The following PHACTR2 variants were observed in gnomAD, a reference collection of about 807,000 sequenced individuals.
PHACTR2 encodes the protein chromosome 6 open reading frame 56.
PHACTR2 carries 30 observed loss-of-function variants against 76.0 expected under a neutral mutation model. The observed-to-expected ratio is 0.39, with a 90% CI of 0.30 to 0.54. PHACTR2 has a LOEUF of 0.54. PHACTR2 is among the 20% of genes least tolerant of loss of function. The probability of loss-of-function intolerance (pLI) is 0.61; values close to 1 mark genes in which losing one functional copy is unlikely to be tolerated. For missense variants in PHACTR2, 696 were observed against 781.1 expected, an observed-to-expected ratio of 0.89 and a Z score of 1.30; for synonymous variants, 292 against 292.5, an observed-to-expected ratio of 1.00 and a Z score of 0.02.
chr6:143,798,358 A>G (rs1401819368), intron 11 of PHACTR2, among the ~76,000 whole-genome samples: 1 of 152,158 alleles, frequency 6.6e-6, no homozygotes, highest in African/African-American at 2.4e-5. Flanking sequence ...AGATAATTGG[A>G]CTTCCTCTCT....
chr6:143,773,274 A>G (rs927692896), intron 7 of PHACTR2, among the ~76,000 whole-genome samples: 2 of 152,176 alleles, frequency 1.3e-5, no homozygotes, highest in Admixed American at 6.5e-5. Flanking sequence ...TCATACTTCC[A>G]CAATAAGTAA....
chr6:143,763,625 C>T (rs1055818244), intron 5 of PHACTR2, among the ~76,000 whole-genome samples: 2 of 152,150 alleles, frequency 1.3e-5, no homozygotes, highest in African/African-American at 2.4e-5. Context: ...ATATCTTAAA[C>T]GATAAAGACC....
intron 1 of PHACTR2, among the ~76,000 whole-genome samples, chr6:143,620,661 G>C (rs547611192): frequency 1.3e-5 from 2 of 151,952 alleles, no homozygotes; most frequent in Non-Finnish European, 1.5e-5. Flanking sequence ...AAAAAATGTT[G>C]CCCTGACATA....
Position 143,700,013 on chromosome 6 carries a change from G to A in PHACTR2, c.47-12003G>A, listed in dbSNP as rs1777868487. On this transcript the variant is annotated intron_variant, in intron 1 of 12. Transcript: ENST00000440869. The surrounding 1 kb of genome is among the most constrained non-coding windows in gnomAD (Gnocchi z 4.1). ...GAGATTGTCCGGGATACTACATGTG[G>A]CCACGGTCTCTCCACAGATACCGGC... 6.6e-6 allele frequency among the ~76,000 whole-genome samples: 1 copy of A among 152,092 alleles called. No individual in the cohort carries two copies. Among genetic ancestry groups the A allele is most frequent in the Non-Finnish European group, 1.5e-5 (1 of 68,016 alleles).
chr6:143,726,328 C>T (rs117884747), intron 2 of PHACTR2, among the ~76,000 whole-genome samples: 4,028 of 152,268 alleles, frequency 0.026, 101 homozygotes, highest in Admixed American at 0.095. Context: ...CATTTTTAAA[C>T]GTGCAGCTCA....
rs773617659 is a variant in PHACTR2 at position 143,816,212 on chromosome 6, C to T, written c.1923-7462C>T. ...ACCAACTTGAAGCCTAAAGCCAAAA[C>T]TGTCATGCTGTCACATAGACAAACT... On this transcript the variant is annotated intron_variant, in intron 12 of 12. Coordinates refer to ENST00000440869, the MANE Select transcript of PHACTR2 (RefSeq NM_001100164.2). This position sits in a 1 kb window ranked among gnomAD's most constrained non-coding sequence, Gnocchi z 4.5. 6.6e-6 allele frequency among the ~76,000 whole-genome samples: 1 copy of T among 152,182 alleles called. No homozygotes were observed. The highest frequency in any genetic ancestry group is 1.5e-5 in the Non-Finnish European group (1 of 68,038).
At chr6:143,686,614 G>A (rs1479600977) in intron 1 of PHACTR2, among the ~76,000 whole-genome samples, 4 of 149,696 alleles carry the variant, frequency 2.7e-5, no homozygotes. Context: ...CAGCCTCCCA[G>A]GTAGCTGGAA....
Position 143,826,916 on chromosome 6 carries a change from G to A in PHACTR2, c.*3227G>A, listed in dbSNP as rs1334049515. The A allele has an allele frequency of 6.6e-6, 1 of 151,664 alleles. No homozygotes were observed. Among genetic ancestry groups the A allele is most frequent in the African/African-American group, 2.4e-5 (1 of 41,294 alleles). 9.4% of individuals were successfully genotyped at this position (151,664 alleles called of 1,614,324 possible). On this transcript the variant is annotated 3_prime_UTR_variant, in exon 13 of 13. Coordinates refer to ENST00000440869, the MANE Select transcript of PHACTR2 (RefSeq NM_001100164.2). ...GACTTTCTGGTTTCATCTTCATATTGTTTAGTAGCATAATGAGAGTAGTCC... is the reference window on the plus strand; with the variant it reads ...GACTTTCTGGTTTCATCTTCATATTATTTAGTAGCATAATGAGAGTAGTCC...
intron 1 of PHACTR2, among the ~76,000 whole-genome samples, chr6:143,643,355 T>C (rs910792815): frequency 4.6e-5 from 7 of 152,174 alleles, no homozygotes; most frequent in Admixed American, 2.6e-4. Context: ...AATCCACAGA[T>C]GGGGTCATAC....
At chr6:143,574,126 C>A (rs1775480285) in intron 1 of PHACTR2, among the ~76,000 whole-genome samples, 1 of 152,210 alleles carries the variant, frequency 6.6e-6, no homozygotes, top group Non-Finnish European at 1.5e-5. Flanking sequence ...AGGCAGGATT[C>A]AGTTCGTGCA....
At chr6:143,634,054 G>A (rs1776409544) in intron 1 of PHACTR2, among the ~76,000 whole-genome samples, 1 of 152,078 alleles carries the variant, frequency 6.6e-6, no homozygotes, top group Non-Finnish European at 1.5e-5. Context: ...ACTGTACTAC[G>A]GCAGGTCTTC....
intron 1 of PHACTR2, among the ~76,000 whole-genome samples, chr6:143,687,223 G>T (rs1456071636): frequency 6.6e-6 from 1 of 152,020 alleles, no homozygotes; most frequent in East Asian, 1.9e-4. Flanking sequence ...GTCTGAAATA[G>T]AAAATAATAA....
rs1295796001 is a variant in PHACTR2 at position 143,809,150 on chromosome 6, A to G, written c.1922+2017A>G. Among the ~76,000 whole-genome samples, 3 of 152,210 alleles carry G rather than the reference A, an allele frequency of 2.0e-5. No individual in the cohort carries two copies. The East Asian group carries it at 5.8e-4, about 29-fold the overall frequency. On this transcript the variant is annotated intron_variant, in intron 12 of 12. Transcript: ENST00000440869. This position sits in a 1 kb window ranked among gnomAD's most constrained non-coding sequence, Gnocchi z 4.2. ...TGGAGTATCTGATAGCCTTATCTTC[A>G]TTTGATAGCATGATATAAAGAACAA...
intron 12 of PHACTR2, among the ~76,000 whole-genome samples, chr6:143,810,961 ATTG>A (rs1776162442): frequency 6.6e-6 from 1 of 151,890 alleles, no homozygotes; most frequent in African/African-American, 2.4e-5. Context: ...TTTCCAATTT[ATTG>A]TTAACTTTTA....
At position 143,623,438 on chromosome 6, in the gene PHACTR2, G is replaced by A. The variant is rs1776196463; in HGVS notation, c.13+15116G>A. ...AAATATACAAAAATTAGCCGGGCAT[G>A]GTGGTGCATGCCTGTAGTCCCAGCT... On this transcript the variant is annotated intron_variant, in intron 1 of 11. Coordinates refer to the PHACTR2 transcript ENST00000305766. This position sits in a 1 kb window ranked among gnomAD's most constrained non-coding sequence, Gnocchi z 5.9. Among the ~76,000 whole-genome samples the A allele has an allele frequency of 6.6e-6, 1 of 152,158 alleles. No individual in the cohort carries two copies. The highest frequency in any genetic ancestry group is 2.1e-4 in the South Asian group (1 of 4,830).
intron 9 of PHACTR2, among the ~76,000 whole-genome samples, chr6:143,779,470 G>A (rs557931962): frequency 7.9e-5 from 12 of 151,222 alleles, no homozygotes; most frequent in South Asian, 2.1e-4. Flanking sequence ...TGCCTCAGTC[G>A]TCCCGAGTAG....
At chr6:143,788,194 G>A (rs941646685) in intron 10 of PHACTR2, among the ~76,000 whole-genome samples, 9 of 152,190 alleles carry the variant, frequency 5.9e-5, no homozygotes, top group Non-Finnish European at 1.0e-4. Context: ...CTCCCCATTC[G>A]TGTACATCGG....
rs574349572 is a variant in PHACTR2 at position 143,795,942 on chromosome 6, G to A, written c.1845+7032G>A. Reference sequence around the variant, plus strand: ...CGTTGATTCCTGAGTTTACGATCTAGTCTAAAATTATCCAGTGAAAGAGAG... The same window carrying A: ...CGTTGATTCCTGAGTTTACGATCTAATCTAAAATTATCCAGTGAAAGAGAG... On this transcript the variant is annotated intron_variant, in intron 11 of 12. Transcript: ENST00000440869. The surrounding 1 kb of genome is among the most constrained non-coding windows in gnomAD (Gnocchi z 4.8). Among the ~76,000 whole-genome samples, 335 of 152,254 alleles carry A rather than the reference G, an allele frequency of 2.2e-3. No individual in the cohort carries two copies. Among genetic ancestry groups the A allele is most frequent in the Admixed American group, 5.7e-3 (87 of 15,292 alleles).
rs565607678 is a variant in PHACTR2 at position 143,549,086 on chromosome 6, C to A, written c.217+11879C>A. On this transcript the variant is annotated intron_variant, in intron 1 of 11. Coordinates refer to the PHACTR2 transcript ENST00000367584. The surrounding 1 kb of genome is among the most constrained non-coding windows in gnomAD (Gnocchi z 4.2). Reference sequence around the variant, plus strand: ...CCCAGATTGACATGGTGCCTGATCTCCTCCCCAGCGAACATGCCAGTCTGT... The same window carrying A: ...CCCAGATTGACATGGTGCCTGATCTACTCCCCAGCGAACATGCCAGTCTGT... Among the ~76,000 whole-genome samples, 5 of 152,062 alleles carry A rather than the reference C, an allele frequency of 3.3e-5. No homozygotes were observed. In the South Asian group the frequency reaches 1.0e-3, roughly 32 times the overall value.
Sources: gnomAD v4.1 joint callset for allele counts (sites outside exome capture counted in the v4.1 genomes callset) on GRCh38, gnomAD v4.1.1 for gene constraint, Gnocchi (gnomAD v3.1) non-coding constraint, MANE v1.5 for transcripts, NCBI Gene and HGNC (gene_info 2026-07-23, HGNC 2026-07-21) for gene names.